PAPOLA: variants seen among roughly 807,000 people sequenced by gnomAD.
PAPOLA encodes polynucleotide adenylyltransferase alpha.
PAPOLA carries 15 observed loss-of-function variants against 100.6 expected under a neutral mutation model. That is an observed-to-expected ratio of 0.15 (90% CI 0.10 to 0.23). The LOEUF is 0.23. Ranked by LOEUF, PAPOLA falls within the 10% of genes least tolerant of loss-of-function variation. The probability of loss-of-function intolerance (pLI) is 1.00; values close to 1 mark genes in which losing one functional copy is unlikely to be tolerated. For synonymous variants in PAPOLA, 293 were observed against 300.0 expected (o/e 0.98, Z 0.24); for missense variants, 533 against 884.2 (o/e 0.60, Z 5.04).
chr14:96,532,136 AT>A (rs1052334361), intron 7 of PAPOLA, 194 bp from the exon 8 acceptor site: 11 of 1,374,022 alleles, frequency 8.0e-6, no homozygotes, highest in African/African-American at 1.5e-5. Context: ...AATGCTTTAG[AT>A]TTTTTCCCCC....
In PAPOLA at chr14:96,531,878, AAATT is replaced by A. The variant is rs1899049725; in HGVS notation, c.607+297_607+300del. On this transcript the variant is annotated intron_variant, in intron 7 of 21. Coordinates refer to ENST00000216277, the MANE Select transcript of PAPOLA (RefSeq NM_032632.5). ...TGATTTAGGTTTCATGGCCTAACCC[AAATT>A]AATTTTGATCCTGTTATTCTTTAGT... 2.9e-6 allele frequency: 4 copies of A among 1,367,308 alleles called. No individual in the cohort carries two copies. In the Admixed American group the frequency reaches 1.1e-4, roughly 37 times the overall value. 84.7% of individuals were successfully genotyped at this position (1,367,308 alleles called of 1,614,324 possible).
Position 96,539,238 on chromosome 14 carries a change from A to G in PAPOLA, c.1115+2178A>G, listed in dbSNP as rs1899781277. 2.6e-5 allele frequency among the ~76,000 whole-genome samples: 4 copies of G among 152,256 alleles called. 1 individual carries two copies. In the South Asian group the frequency reaches 8.3e-4, roughly 32 times the overall value. On this transcript the variant is annotated intron_variant, in intron 12 of 21. Transcript: ENST00000216277. Reference sequence around the variant, plus strand: ...AAACCAATGTATTCTCTAAGGTGCAAGATGATTTTATAATTTCATGTGTGT... The same window carrying G: ...AAACCAATGTATTCTCTAAGGTGCAGGATGATTTTATAATTTCATGTGTGT...
chr14:96,502,771 T>G, intron 1 of PAPOLA, 171 bp downstream of exon 1: 8 of 593,558 alleles, frequency 1.3e-5, no homozygotes, highest in Non-Finnish European at 1.5e-5. Context: ...GCCGCCGCAC[T>G]TCCCCCCGTG....
chr14:96,552,351 A>T, intron 16 of PAPOLA, 129 bp from the exon 17 acceptor site: 1 of 840,496 alleles, frequency 1.2e-6, no homozygotes, highest in Non-Finnish European at 1.8e-6. Flanking sequence ...AGCATGGCAC[A>T]TCTAACTTTC....
At chr14:96,542,222 A>G in intron 12 of PAPOLA, 21 bp from the exon 13 acceptor site, 2 of 1,487,240 alleles carry the variant, frequency 1.3e-6, no homozygotes, top group Non-Finnish European at 1.9e-6. Flanking sequence ...AATAAATAGC[A>G]TGTTGTCTTT....
rs201607672 is a variant in PAPOLA, at chr14:96,565,079, T to C, written c.*29T>C. ...CAACCTCAGGGGTCCATAAACAATA[T>C]CTGCCAACTCAACCTGTTGTCTTCA... On this transcript the variant is annotated 3_prime_UTR_variant, in exon 22 of 22. Transcript: ENST00000216277. 11 of 1,065,422 alleles carry C rather than the reference T, an allele frequency of 1.0e-5. No individual in the cohort carries two copies. In the East Asian group the frequency reaches 2.4e-4, roughly 23 times the overall value. The allele number at this position is 1,065,422 out of a possible 1,614,324, so 66.0% of individuals were successfully genotyped here.
chr14:96,564,557 A>G (rs1902130651), intron 21 of PAPOLA, among the ~76,000 whole-genome samples: 1 of 152,094 alleles, frequency 6.6e-6, no homozygotes, highest in Non-Finnish European at 1.5e-5. Context: ...ATATAAAATG[A>G]GCTTTGAGTA....
intron 19 of PAPOLA, among the ~76,000 whole-genome samples, chr14:96,559,780 TC>T (rs1483810878): frequency 2.0e-5 from 3 of 151,774 alleles, no homozygotes; most frequent in Non-Finnish European, 2.9e-5. Flanking sequence ...ATCACTTCCT[TC>T]CCCATTGTTT....
At chr14:96,524,844 G>C (rs911787867) in intron 3 of PAPOLA, among the ~76,000 whole-genome samples, 3 of 152,062 alleles carry the variant, frequency 2.0e-5, no homozygotes, top group African/African-American at 7.2e-5. Flanking sequence ...AGTCACTTTT[G>C]ATATGATAAA....
intron 2 of PAPOLA, 24 bp from the exon 3 acceptor site, chr14:96,520,982 G>A: frequency 9.6e-7 from 1 of 1,043,464 alleles, no homozygotes. Context: ...TGGAATACTT[G>A]ATTGATAATT....
intron 10 of PAPOLA, chr14:96,534,901 T>C: frequency 9.7e-7 from 1 of 1,028,962 alleles, no homozygotes; most frequent in Non-Finnish European, 1.2e-6. Flanking sequence ...TCCCTGTATT[T>C]TTTATTTTAT....
intron 6 of PAPOLA, among the ~76,000 whole-genome samples, chr14:96,531,191 A>T (rs556958214): frequency 6.6e-6 from 1 of 151,770 alleles, no homozygotes; most frequent in African/African-American, 2.4e-5. Context: ...TTTAATAGAG[A>T]CGGGGTTCAC....
intron 7 of PAPOLA, 37 bp from the exon 8 acceptor site, chr14:96,532,294 G>T: frequency 6.3e-7 from 1 of 1,581,070 alleles, no homozygotes; most frequent in Non-Finnish European, 8.6e-7. Flanking sequence ...TTGTGTGTGT[G>T]TGTGTGTGTG....
chr14:96,528,792 A>C (rs1011924634), intron 6 of PAPOLA, among the ~76,000 whole-genome samples: 1 of 152,080 alleles, frequency 6.6e-6, no homozygotes, highest in East Asian at 1.9e-4. Flanking sequence ...AGGTTGCTGC[A>C]TAAGACGCTC....
Position 96,544,158 on chromosome 14 carries a change from T to C in PAPOLA, c.1299T>C (p.Phe433=). 11 of 1,592,506 alleles carry C rather than the reference T, an allele frequency of 6.9e-6. No individual in the cohort carries two copies. The highest frequency in any genetic ancestry group is 8.6e-6 in the Non-Finnish European group (10 of 1,161,342). ...ATGCTCTTCTTTGCAGGGAAGAATTTCGCACGATGTGGGTGATTGGGTTAG... is the reference window on the plus strand; with the variant it reads ...ATGCTCTTCTTTGCAGGGAAGAATTCCGCACGATGTGGGTGATTGGGTTAG... ...APKENPDKEE[F]RTMWVIGLVF... Residue 433 remains phenylalanine (F), a synonymous_variant, in exon 15 of 22, where the codon TTT becomes TTC. Transcript: ENST00000216277.
chr14:96,547,071 G>A (rs181702150), intron 15 of PAPOLA, among the ~76,000 whole-genome samples: 2 of 152,162 alleles, frequency 1.3e-5, no homozygotes, highest in Admixed American at 1.3e-4. Context: ...ACGGACTATA[G>A]TTTATGTTTT....
chr14:96,511,791 G>A (rs961229850), intron 1 of PAPOLA, among the ~76,000 whole-genome samples: 1 of 152,204 alleles, frequency 6.6e-6, no homozygotes, highest in African/African-American at 2.4e-5. Flanking sequence ...TGAGAAAAAA[G>A]TGCTTTTAGG....
At chr14:96,544,308 A>G (rs768168752) in intron 15 of PAPOLA, 50 bp downstream of exon 15, 43 of 882,132 alleles carry the variant, frequency 4.9e-5, no homozygotes, top group South Asian at 2.1e-4. Flanking sequence ...GCATATTTCA[A>G]ATTGTCTTGA....
Position 96,502,425 on chromosome 14 carries a change from G to A in PAPOLA, c.-168G>A. ...CGCTCGGGCGCCATGTTAGGACGAA[G>A]GGGAAGGAGGAGAAGCGCTTAAAGC... is the stretch of plus-strand genomic sequence containing the variant. On this transcript the variant is annotated 5_prime_UTR_variant, in exon 1 of 22. Coordinates refer to ENST00000216277, the MANE Select transcript of PAPOLA (RefSeq NM_032632.5). 4 of 704,570 alleles carry A rather than the reference G, an allele frequency of 5.7e-6. No homozygotes were observed. The highest frequency in any genetic ancestry group is 2.8e-5 in the East Asian group (1 of 36,176). The allele number at this position is 704,570 out of a possible 1,614,324, so 43.6% of individuals were successfully genotyped here. A position where few individuals can be genotyped will look rare whatever the true frequency, so the allele number is the denominator to read the frequency against.
Sources: gnomAD v4.1 joint callset for allele counts (sites outside exome capture counted in the v4.1 genomes callset) on GRCh38, gnomAD v4.1.1 for gene constraint, MANE v1.5 for transcripts, NCBI Gene and HGNC (gene_info 2026-07-23, HGNC 2026-07-21) for gene names.